XRCC5: variants seen among roughly 807,000 people sequenced by gnomAD.
The protein encoded by XRCC5 is X-ray repair cross complementing 5.
XRCC5 carries 12 observed loss-of-function variants against 95.7 expected under a neutral mutation model. That is an observed-to-expected ratio of 0.13 (90% confidence interval 0.08 to 0.20). The LOEUF is 0.20. Ranked by LOEUF, XRCC5 falls within the 10% of genes least tolerant of loss-of-function variation. XRCC5 has a pLI of 1.00. For synonymous variants in XRCC5, 281 were observed against 290.3 expected (o/e 0.97, Z 0.33); for missense variants, 595 against 873.9 (o/e 0.68, Z 4.02).
At chr2:216,154,266 TC>T (rs1158004664) in intron 14 of XRCC5, among the ~76,000 whole-genome samples, 1 of 152,234 alleles carries the variant, frequency 6.6e-6, no homozygotes, top group Admixed American at 6.5e-5. Flanking sequence ...ATTAGTTCTT[TC>T]CCTTTACTGT....
intron 2 of XRCC5, 103 bp downstream of exon 2, chr2:216,113,232 C>A: frequency 1.1e-6 from 1 of 922,728 alleles, no homozygotes; most frequent in African/African-American, 1.6e-5. Context: ...TCCAGCCCCT[C>A]TGTTTGGGGG....
rs539797067 is a variant in XRCC5 at position 216,182,417 on chromosome 2, A to G, written c.1835-7808A>G. 6.2e-4 allele frequency among the ~76,000 whole-genome samples: 95 copies of G among 152,258 alleles called. 1 individual carries two copies. The South Asian group carries it at 0.019, about 30-fold the overall frequency. Reference sequence around the variant, plus strand: ...TAAAATTGCTACAGTACCAATCACTATTATCTTACATTTTTCCTTTCCCCT... The same window carrying G: ...TAAAATTGCTACAGTACCAATCACTGTTATCTTACATTTTTCCTTTCCCCT... On this transcript the variant is annotated intron_variant, in intron 16 of 20. Transcript: ENST00000392132.
At position 216,126,632 on chromosome 2, in the gene XRCC5, T is replaced by C. The variant is rs907548169; in HGVS notation, c.798+601T>C. Among the ~76,000 whole-genome samples, 33 of 152,216 alleles carry C rather than the reference T, an allele frequency of 2.2e-4. 1 individual carries two copies. The highest frequency in any genetic ancestry group is 8.0e-4 in the African/African-American group (33 of 41,466). On this transcript the variant is annotated intron_variant, in intron 7 of 20. Coordinates refer to ENST00000392132, the MANE Select transcript of XRCC5 (RefSeq NM_021141.4). ...TATAAGCCTCCTTGCCTTTTTCCTT[T>C]AAGTGTTCAAAATAAATAGGAACAT...
At chr2:216,141,566 TCCTG>T (rs1697172923) in intron 13 of XRCC5, among the ~76,000 whole-genome samples, 2 of 53,868 alleles carry the variant, frequency 3.7e-5, no homozygotes, top group African/African-American at 1.2e-4. Flanking sequence ...TTTTTTTTTT[TCCTG>T]GAAGAAGCTT....
At chr2:216,131,224 T>A in intron 9 of XRCC5, 1 of 985,392 alleles carries the variant, frequency 1.0e-6, no homozygotes, top group Non-Finnish European at 1.2e-6. Flanking sequence ...GGTTTTTGAA[T>A]GGGGAATGGA....
At chr2:216,127,503 T>C (rs1478831829) in intron 7 of XRCC5, 33 bp from the exon 8 acceptor site, 4 of 1,564,522 alleles carry the variant, frequency 2.6e-6, no homozygotes, top group East Asian at 4.5e-5. Context: ...ATCCTAACTT[T>C]CCTTGTTTTC....
intron 14 of XRCC5, chr2:216,156,634 C>CAT (rs1688847938): frequency 1.8e-6 from 1 of 559,548 alleles, no homozygotes; most frequent in Non-Finnish European, 3.6e-6. Context: ...CATCTGCCTA[C>CAT]ATATAGTGAC....
Position 216,136,217 on chromosome 2 carries a change from G to A in XRCC5, c.1114-871G>A, listed in dbSNP as rs568341689. 8.1e-4 allele frequency among the ~76,000 whole-genome samples: 123 copies of A among 152,086 alleles called. 1 individual carries two copies. The highest frequency in any genetic ancestry group is 3.4e-3 in the Middle Eastern group (1 of 294). ...ACTAAAAATACAAAATTAGCCGGGC[G>A]TGGTGGCACATACTTGTAATCCCAG... On this transcript the variant is annotated intron_variant, in intron 10 of 20. Transcript: ENST00000392132.
At chr2:216,204,179 G>T in intron 19 of XRCC5, 143 bp from the exon 20 acceptor site, 1 of 900,988 alleles carries the variant, frequency 1.1e-6, no homozygotes. Flanking sequence ...CGTATGCCAG[G>T]ATGATGTTTC....
intron 3 of XRCC5, 129 bp from the exon 4 acceptor site, chr2:216,117,617 C>T (rs1248739391): frequency 2.5e-6 from 2 of 800,586 alleles, no homozygotes; most frequent in South Asian, 1.7e-5. Flanking sequence ...GAAGGGCACT[C>T]AGGCAAGTAC....
intron 18 of XRCC5, among the ~76,000 whole-genome samples, chr2:216,194,144 G>A (rs1028601090): frequency 2.0e-5 from 3 of 152,230 alleles, no homozygotes; most frequent in African/African-American, 7.2e-5. Context: ...CTTCTGCTAT[G>A]TTCTACAGTA....
At chr2:216,200,624 G>C (rs949444824) in intron 19 of XRCC5, among the ~76,000 whole-genome samples, 3 of 152,120 alleles carry the variant, frequency 2.0e-5, no homozygotes, top group East Asian at 3.9e-4. Context: ...TCACCACCCA[G>C]ATCAAAATAA....
chr2:216,130,778 C>T (rs1046860790), intron 8 of XRCC5, 97 bp from the exon 9 acceptor site: 14 of 687,844 alleles, frequency 2.0e-5, no homozygotes, highest in South Asian at 1.4e-4. Context: ...CTTGCTCTGG[C>T]GTGTGCGTGT....
Position 216,205,854 on chromosome 2 carries a change from G to T in XRCC5, c.*652G>T, listed in dbSNP as rs944704731. ...TCCCTTCATACTCCTTTTAAGCAGT[G>T]AGTTATGGTGGTGGTCTCATGAAGA... On this transcript the variant is annotated 3_prime_UTR_variant, in exon 21 of 21. Coordinates refer to ENST00000392132, the MANE Select transcript of XRCC5 (RefSeq NM_021141.4). 6.6e-6 allele frequency: 1 copy of T among 152,236 alleles called. No homozygotes were observed. The highest frequency in any genetic ancestry group is 1.5e-5 in the Non-Finnish European group (1 of 68,090). The allele number at this position is 152,236 out of a possible 1,614,324, so 9.4% of individuals were successfully genotyped here. A position where few individuals can be genotyped will look rare whatever the true frequency, so the allele number is the denominator to read the frequency against.
At chr2:216,162,563 A>G (rs932891921) in intron 16 of XRCC5, among the ~76,000 whole-genome samples, 2 of 151,840 alleles carry the variant, frequency 1.3e-5, no homozygotes, top group African/African-American at 4.8e-5. Context: ...CACCATGCCC[A>G]GCTAATTTTG....
chr2:216,132,102 T>G (rs577561739), intron 9 of XRCC5, among the ~76,000 whole-genome samples: 2 of 152,334 alleles, frequency 1.3e-5, no homozygotes, highest in South Asian at 4.1e-4. Context: ...AAGATTATGT[T>G]TTGTTCACTG....
At chr2:216,141,845 G>C (rs2106015373) in intron 13 of XRCC5, among the ~76,000 whole-genome samples, 1 of 152,182 alleles carries the variant, frequency 6.6e-6, no homozygotes, top group East Asian at 1.9e-4. Flanking sequence ...TTGAGGTCAG[G>C]AGTTCAAGAC....
chr2:216,204,358 G>T lies in XRCC5; in HGVS notation c.2146G>T (p.Ala716Ser). 1 of 1,613,950 alleles carries T rather than the reference G, an allele frequency of 6.2e-7. No individual in the cohort carries two copies. ...CAAAGACAAACCAAGTGGAGACACA[G>T]CAGCTGTATTTGAAGAAGGTGGTGA... is the stretch of plus-strand genomic sequence containing the variant. Reference protein sequence around the residue: ...APKDKPSGDTAAVFEEGGDVD... With the variant: ...APKDKPSGDTSAVFEEGGDVD... The change falls in exon 20 of 21, where the codon GCA becomes TCA. Residue 716 changes from alanine (A) to serine (S), a missense_variant. Physicochemically the swap from Ala to Ser is moderately conservative, Grantham distance 99 (BLOSUM62 1). Around this residue, in one of 2 missense-constraint regions of XRCC5, gnomAD observed 309 missense variants for 382.9 expected, o/e 0.81. Transcript: ENST00000392132.
chr2:216,113,305 T>C (rs1450966467), intron 2 of XRCC5, among the ~76,000 whole-genome samples, 176 bp downstream of exon 2: 1 of 152,030 alleles, frequency 6.6e-6, no homozygotes, highest in East Asian at 1.9e-4. Flanking sequence ...GAGTCTGATA[T>C]TTTTTCTTCC....
Sources: allele counts gnomAD v4.1 joint callset (sites outside exome capture counted in the v4.1 genomes callset), GRCh38; gene constraint gnomAD v4.1.1; regional missense constraint gnomAD v4.1.1; transcripts MANE v1.5; gene names NCBI Gene and HGNC (gene_info 2026-07-23, HGNC 2026-07-21).